Variants in KIRREL3 observed in about 807,000 individuals in gnomAD.
KIRREL3 encodes kin of IRRE-like protein 3.
A neutral mutation model predicts 89.7 loss-of-function variants in KIRREL3; 36 were observed. The observed-to-expected ratio is 0.40, with a 90% CI of 0.31 to 0.53. The LOEUF (loss-of-function observed/expected upper bound fraction) is 0.53. KIRREL3 is among the 20% of genes least tolerant of loss of function. KIRREL3 has a pLI of 0.49. For synonymous variants in KIRREL3, 445 were observed against 441.4 expected (o/e 1.01, Z -0.10); for missense variants, 864 against 1,056.6 (o/e 0.82, Z 2.53).
At chr11:126,841,769 G>A (rs534221669) in intron 1 of KIRREL3, among the ~76,000 whole-genome samples, 9 of 152,288 alleles carry the variant, frequency 5.9e-5, no homozygotes, top group East Asian at 1.9e-4. Context: ...CTAGGCATCC[G>A]CTTTCATTGT....
chr11:126,660,370 T>A (rs1945340354), intron 1 of KIRREL3, among the ~76,000 whole-genome samples: 1 of 152,194 alleles, frequency 6.6e-6, no homozygotes, highest in South Asian at 2.1e-4. Context: ...ATGGAAAACA[T>A]GATACTGCTG....
rs929409117 is a variant in KIRREL3 at position 126,657,569 on chromosome 11, G to A, written c.56-94657C>T. On this transcript the variant is annotated intron_variant, in intron 1 of 16. Coordinates refer to ENST00000525144, the MANE Select transcript of KIRREL3 (RefSeq NM_032531.4). ...CATTCCTCTTCTCACCCAGTGTGGG[G>A]CTGGGACGTGTGGGAACTCAGGGCC... is the stretch of plus-strand genomic sequence containing the variant. Among the ~76,000 whole-genome samples, 3 of 152,216 alleles carry A rather than the reference G, an allele frequency of 2.0e-5. No homozygotes were observed. In the South Asian group the frequency reaches 6.2e-4, roughly 31 times the overall value.
intron 1 of KIRREL3, among the ~76,000 whole-genome samples, chr11:126,865,295 C>A (rs889334312): frequency 6.6e-6 from 1 of 152,246 alleles, no homozygotes; most frequent in African/African-American, 2.4e-5. Flanking sequence ...ACCCTCCCTG[C>A]AGACTAAGAA....
chr11:126,627,841 C>T lies in KIRREL3; in HGVS notation c.56-64929G>A, dbSNP rs567564841. On this transcript the variant is annotated intron_variant, in intron 1 of 16. Coordinates refer to ENST00000525144, the MANE Select transcript of KIRREL3 (RefSeq NM_032531.4). This position sits in a 1 kb window ranked among gnomAD's most constrained non-coding sequence, Gnocchi z 5.0. ...GGGCTTGGATCTGAGCACCATGAGCCTCTCTCTCTCCCATGTGTAGTGAGA... is the reference window on the plus strand; with the variant it reads ...GGGCTTGGATCTGAGCACCATGAGCTTCTCTCTCTCCCATGTGTAGTGAGA... Among the ~76,000 whole-genome samples the T allele has an allele frequency of 1.2e-3, 190 of 152,176 alleles. 5 individuals are homozygous for T. In the South Asian group the frequency reaches 0.036, roughly 29 times the overall value.
intron 1 of KIRREL3, among the ~76,000 whole-genome samples, chr11:126,732,660 C>A (rs926962280): frequency 3.3e-5 from 5 of 152,152 alleles, no homozygotes; most frequent in African/African-American, 9.7e-5. Context: ...TGGCTCTGAA[C>A]CAGGACACCA....
rs1192504217 is a variant in KIRREL3 at position 126,923,206 on chromosome 11, TC to T, written c.55+77248del. On this transcript the variant is annotated intron_variant, in intron 1 of 16. Coordinates refer to ENST00000525144, the MANE Select transcript of KIRREL3 (RefSeq NM_032531.4). ...CTTCTTCTCTTCTTCTTCTTCTTCT[TC>T]TTCTTCTTCTTCTTCTTCTTCTTCT... Among the ~76,000 whole-genome samples the T allele has an allele frequency of 6.5e-3, 61 of 9,330 alleles. 12 individuals are homozygous for T. The highest frequency in any genetic ancestry group is 8.7e-3 in the East Asian group (5 of 578). 6.1% of individuals were successfully genotyped at this position (9,330 alleles called of 152,430 possible).
rs1237600689 is a variant in KIRREL3 at position 126,427,355 on chromosome 11, T to G, written c.1807-1631A>C. On this transcript the variant is annotated intron_variant, in intron 15 of 16. Coordinates refer to ENST00000525144, the MANE Select transcript of KIRREL3 (RefSeq NM_032531.4). This position sits in a 1 kb window ranked among gnomAD's most constrained non-coding sequence, Gnocchi z 5.3. ...GGAGCTCTGGGATAACTGGGGAAGC[T>G]GACATGGAATTGGGGGAATGCACTA... Among the ~76,000 whole-genome samples the G allele has an allele frequency of 6.6e-6, 1 of 151,876 alleles. No homozygotes were observed. Among genetic ancestry groups the G allele is most frequent in the Non-Finnish European group, 1.5e-5 (1 of 68,004 alleles).
rs570486537 is a variant in KIRREL3 at position 126,685,992 on chromosome 11, G to A, written c.56-123080C>T. 6.6e-6 allele frequency among the ~76,000 whole-genome samples: 1 copy of A among 152,342 alleles called. No homozygotes were observed. Among genetic ancestry groups the A allele is most frequent in the African/African-American group, 2.4e-5 (1 of 41,580 alleles). On this transcript the variant is annotated intron_variant, in intron 1 of 16. Coordinates refer to ENST00000525144, the MANE Select transcript of KIRREL3 (RefSeq NM_032531.4). The surrounding 1 kb of genome is among the most constrained non-coding windows in gnomAD (Gnocchi z 5.5). Reference sequence around the variant, plus strand: ...GGCTCTGCCTCTGTTCCCTTCACCTGCTTCTTCTCAGGCCAAGGTAGACCT... The same window carrying A: ...GGCTCTGCCTCTGTTCCCTTCACCTACTTCTTCTCAGGCCAAGGTAGACCT...
rs569935817 is a variant in KIRREL3, at chr11:126,454,526, A to G, written c.848+1823T>C. Among the ~76,000 whole-genome samples the G allele has an allele frequency of 7.0e-4, 107 of 152,270 alleles. No homozygotes were observed. Among genetic ancestry groups the G allele is most frequent in the African/African-American group, 2.2e-3 (93 of 41,534 alleles). ...AGGGCTGCCCTGGGAAGCTAGCATG[A>G]CAGATATTTTCTGGGCATGTTGTAC... On this transcript the variant is annotated intron_variant, in intron 7 of 16. Transcript: ENST00000525144. This position sits in a 1 kb window ranked among gnomAD's most constrained non-coding sequence, Gnocchi z 5.8.
intron 1 of KIRREL3, among the ~76,000 whole-genome samples, chr11:126,874,011 A>G (rs1945191872): frequency 6.6e-6 from 1 of 152,148 alleles, no homozygotes; most frequent in African/African-American, 2.4e-5. Context: ...AAACCCAGTA[A>G]TGTCCACATC....
At chr11:126,966,681 C>T (rs1949281034) in intron 1 of KIRREL3, among the ~76,000 whole-genome samples, 2 of 152,158 alleles carry the variant, frequency 1.3e-5, no homozygotes, top group African/African-American at 2.4e-5. Flanking sequence ...AGTCTAGAGA[C>T]ATGCCACTGG....
intron 1 of KIRREL3, among the ~76,000 whole-genome samples, chr11:126,630,367 AG>A (rs1401868337): frequency 1.3e-5 from 2 of 152,232 alleles, no homozygotes; most frequent in Non-Finnish European, 2.9e-5. Flanking sequence ...CCAGAATCTA[AG>A]AGGCACGTTC....
intron 1 of KIRREL3, among the ~76,000 whole-genome samples, chr11:126,920,960 T>C (rs61907910): frequency 0.022 from 3,323 of 152,300 alleles, 55 homozygotes; most frequent in Non-Finnish European, 0.033. Context: ...AGATAGCTGG[T>C]AGAGCATTAT....
At chr11:126,632,954 T>A (rs187594144) in intron 1 of KIRREL3, among the ~76,000 whole-genome samples, 49 of 151,796 alleles carry the variant, frequency 3.2e-4, no homozygotes, top group African/African-American at 1.2e-3. Flanking sequence ...TAGCCTGGTG[T>A]GGTGGTGCAC....
At chr11:126,789,094 G>A (rs1466461241) in intron 1 of KIRREL3, among the ~76,000 whole-genome samples, 1 of 152,124 alleles carries the variant, frequency 6.6e-6, no homozygotes, top group African/African-American at 2.4e-5. Flanking sequence ...TTCCCCATAT[G>A]ACCATGAGCT....
In KIRREL3 at chr11:126,846,678, G is replaced by A. The variant is rs61905734; in HGVS notation, c.55+153777C>T. 1.6e-3 allele frequency among the ~76,000 whole-genome samples: 141 copies of A among 88,816 alleles called. 2 individuals are homozygous for A. Among genetic ancestry groups the A allele is most frequent in the African/African-American group, 5.5e-3 (126 of 22,990 alleles). 58.3% of individuals were successfully genotyped at this position (88,816 alleles called of 152,430 possible). On this transcript the variant is annotated intron_variant, in intron 1 of 16. Coordinates refer to ENST00000525144, the MANE Select transcript of KIRREL3 (RefSeq NM_032531.4). ...ACTAAAAACAAAACAAAACAAAACA[G>A]ACAAACAAAAAAAAATTTCACACGC...
chr11:126,737,286 T>G (rs980060308), intron 1 of KIRREL3, among the ~76,000 whole-genome samples: 1 of 151,802 alleles, frequency 6.6e-6, no homozygotes, highest in Admixed American at 6.6e-5. Flanking sequence ...GGAGCAGGGA[T>G]GCACCTTCAG....
intron 1 of KIRREL3, among the ~76,000 whole-genome samples, chr11:126,759,938 G>T (rs996184247): frequency 3.3e-5 from 5 of 152,138 alleles, no homozygotes; most frequent in Non-Finnish European, 5.9e-5. Flanking sequence ...GAGTACCTAG[G>T]CTTCCTATAT....
At chr11:126,945,505 C>G (rs569757559) in intron 1 of KIRREL3, among the ~76,000 whole-genome samples, 2 of 152,286 alleles carry the variant, frequency 1.3e-5, no homozygotes, top group African/African-American at 4.8e-5. Flanking sequence ...TAAATCTATG[C>G]TTGCAATTTA....
Sources: allele counts gnomAD v4.1 joint callset (sites outside exome capture counted in the v4.1 genomes callset), GRCh38; gene constraint gnomAD v4.1.1; non-coding constraint Gnocchi (gnomAD v3.1); transcripts MANE v1.5; gene names NCBI Gene and HGNC (gene_info 2026-07-23, HGNC 2026-07-21).